RELL1: variants seen among roughly 807,000 people sequenced by gnomAD.
The protein encoded by RELL1 is RELT like 1, also known as RELT-like protein 1.
A neutral mutation model predicts 23.0 loss-of-function variants in RELL1; 10 were observed. The ratio of observed to expected loss-of-function variants is 0.43; its 90% CI spans 0.27 to 0.74. The LOEUF is 0.74. Among genes scored for constraint, RELL1 ranks in the 30% least tolerant of loss-of-function variants. RELL1 has a pLI of 0.19. For missense variants in RELL1, 315 were observed against 364.4 expected, an observed-to-expected ratio of 0.86 and a Z score of 1.10; for synonymous variants, 146 against 146.8, an observed-to-expected ratio of 0.99 and a Z score of 0.04.
intron 1 of RELL1, among the ~76,000 whole-genome samples, chr4:37,654,333 T>C (rs1315170891): frequency 2.6e-5 from 4 of 152,192 alleles, no homozygotes; most frequent in Non-Finnish European, 5.9e-5. Context: ...GCCCAGATAA[T>C]GAACATTTCC....
intron 6 of RELL1, among the ~76,000 whole-genome samples, chr4:37,598,095 A>AT (rs1174324006): frequency 1.4e-5 from 2 of 143,446 alleles, no homozygotes; most frequent in African/African-American, 2.5e-5. Flanking sequence ...ATATATATAT[A>AT]ACTCCTCCTA....
chr4:37,618,823 C>A (rs1038675560), intron 6 of RELL1, among the ~76,000 whole-genome samples: 3 of 152,182 alleles, frequency 2.0e-5, no homozygotes, highest in Admixed American at 6.5e-5. Flanking sequence ...GGGATAATGT[C>A]CATCTCCCTG....
chr4:37,681,759 C>T (rs572066425), intron 1 of RELL1, among the ~76,000 whole-genome samples: 1 of 152,188 alleles, frequency 6.6e-6, no homozygotes, highest in East Asian at 1.9e-4. Flanking sequence ...GAACTCCTGA[C>T]CTCGTGATCT....
At chr4:37,588,584 T>A, downstream of RELL1, 2 of 397,702 alleles carry the variant, frequency 5.0e-6, no homozygotes, top group East Asian at 8.2e-5. Flanking sequence ...AAAATGGGGA[T>A]GAAACACATA....
rs745312152 is a variant in RELL1, at chr4:37,635,142, CA to C, written c.444-20del. 1 of 1,582,604 alleles carries C rather than the reference CA, an allele frequency of 6.3e-7. No homozygotes were observed. Among genetic ancestry groups the C allele is most frequent in the South Asian group, 1.1e-5 (1 of 90,446 alleles). ...CACGGGGCTAATGTGGGGAGGAAAA[CA>C]AAAAGAGCAACTGGTTAAAGGAAAT... is the stretch of plus-strand genomic sequence containing the variant. On this transcript the variant is annotated intron_variant, in intron 4 of 6. Coordinates refer to ENST00000454158, the MANE Select transcript of RELL1 (RefSeq NM_001085400.2).
At chr4:37,626,716 A>G (rs1719963778) in intron 6 of RELL1, among the ~76,000 whole-genome samples, 1 of 152,204 alleles carries the variant, frequency 6.6e-6, no homozygotes, top group African/African-American at 2.4e-5. Context: ...AAAAAGAAGG[A>G]AATCCTGTCA....
In RELL1 at chr4:37,649,403, C is replaced by T. The variant is rs376898916; in HGVS notation, c.186G>A (p.Ala62=). 54 of 1,614,228 alleles carry T rather than the reference C, an allele frequency of 3.3e-5. No individual in the cohort carries two copies. Among genetic ancestry groups the T allele is most frequent in the Admixed American group, 2.8e-4 (17 of 60,022 alleles). Residue 62 remains alanine (A), a synonymous_variant, in exon 2 of 7, where the codon GCG becomes GCA. Coordinates refer to ENST00000454158, the MANE Select transcript of RELL1 (RefSeq NM_001085400.2). ...CCATGATAAAGAACACAGGGACAAG[C>T]GCGTATGCAATATATTCTGGGTGTC... ...GNGHPEYIAY[A]LVPVFFIMGL... is the part of the protein sequence containing the mutation.
chr4:37,666,795 T>C (rs1157622772), intron 1 of RELL1, among the ~76,000 whole-genome samples: 1 of 152,076 alleles, frequency 6.6e-6, no homozygotes, highest in African/African-American at 2.4e-5. Context: ...TTCTCTTCCT[T>C]CCAGGAACAG....
chr4:37,631,584 T>A, intron 5 of RELL1, 61 bp from the exon 6 acceptor site: 3 of 1,571,148 alleles, frequency 1.9e-6, no homozygotes, highest in Admixed American at 3.7e-5. Context: ...GAATTATGAA[T>A]AAAGCAAAAA....
rs568888973 is a variant in RELL1, at chr4:37,678,705, T to A, written c.88+7495A>T. On this transcript the variant is annotated intron_variant, in intron 1 of 6. Transcript: ENST00000454158. Reference sequence around the variant, plus strand: ...AGCCTAGGCAATAATAATAATACACTTTTTCATCACTTACTGTGTGCCAAG... The same window carrying A: ...AGCCTAGGCAATAATAATAATACACATTTTCATCACTTACTGTGTGCCAAG... 9.6e-4 allele frequency among the ~76,000 whole-genome samples: 147 copies of A among 152,374 alleles called. 2 individuals carry two copies. Among genetic ancestry groups the A allele is most frequent in the African/African-American group, 3.4e-3 (140 of 41,598 alleles).
intron 1 of RELL1, among the ~76,000 whole-genome samples, chr4:37,652,705 AT>A (rs1720991461): frequency 6.6e-6 from 1 of 152,208 alleles, no homozygotes. Context: ...TTCATCGTGA[AT>A]TTGACATGTG....
downstream of RELL1, chr4:37,588,940 T>G (rs767804267): frequency 2.0e-6 from 3 of 1,513,820 alleles, no homozygotes; most frequent in African/African-American, 4.1e-5. Context: ...GAGGAATTTG[T>G]GATGAGCGTG....
chr4:37,626,840 C>T (rs1422195991), intron 6 of RELL1, among the ~76,000 whole-genome samples: 1 of 143,742 alleles, frequency 7.0e-6, no homozygotes, highest in African/African-American at 2.6e-5. Context: ...AAAAGTTGAA[C>T]TCATAGAAGC....
intron 1 of RELL1, among the ~76,000 whole-genome samples, chr4:37,656,537 A>G (rs2109291959): frequency 6.6e-6 from 1 of 152,356 alleles, no homozygotes; most frequent in East Asian, 1.9e-4. Flanking sequence ...AAAGAAACAA[A>G]CAACCTGCTA....
intron 4 of RELL1, among the ~76,000 whole-genome samples, chr4:37,637,544 T>A (rs1720374288): frequency 6.6e-6 from 1 of 152,208 alleles, no homozygotes; most frequent in Non-Finnish European, 1.5e-5. Flanking sequence ...ACCTCTTCCA[T>A]GAACCTTCCT....
chr4:37,647,727 T>C (rs1347564582), intron 2 of RELL1, among the ~76,000 whole-genome samples: 2 of 152,224 alleles, frequency 1.3e-5, no homozygotes, highest in African/African-American at 4.8e-5. Flanking sequence ...ATTATTTCTC[T>C]CTCATCATTT....
At chr4:37,655,975 A>G (rs142217312) in intron 1 of RELL1, among the ~76,000 whole-genome samples, 2 of 152,372 alleles carry the variant, frequency 1.3e-5, no homozygotes, top group East Asian at 3.9e-4. Flanking sequence ...TAGAACTACC[A>G]TGTGATCTAG....
chr4:37,615,589 C>A (rs1329842662), intron 6 of RELL1, among the ~76,000 whole-genome samples: 1 of 152,216 alleles, frequency 6.6e-6, no homozygotes, highest in Non-Finnish European at 1.5e-5. Context: ...TTCCCAGTTG[C>A]CATCACATGG....
chr4:37,642,679 C>A (rs1193138925), intron 3 of RELL1, among the ~76,000 whole-genome samples: 2 of 152,092 alleles, frequency 1.3e-5, no homozygotes, highest in Admixed American at 6.5e-5. Context: ...TGGGGTGGAG[C>A]CCCTAAACAG....
Sources: allele counts gnomAD v4.1 joint callset (sites outside exome capture counted in the v4.1 genomes callset), GRCh38; gene constraint gnomAD v4.1.1; transcripts MANE v1.5; gene names NCBI Gene and HGNC (gene_info 2026-07-23, HGNC 2026-07-21).